Variants in CSMD1 observed in about 807,000 individuals in gnomAD.
The protein encoded by CSMD1 is CUB and Sushi multiple domains 1, also known as CUB and sushi domain-containing protein 1.
A neutral mutation model predicts 417.5 loss-of-function variants in CSMD1; 213 were observed. The observed-to-expected ratio is 0.51, with a 90% confidence interval of 0.46 to 0.57. The LOEUF (loss-of-function observed/expected upper bound fraction) is 0.57. Among genes scored for constraint, CSMD1 ranks in the 20% least tolerant of loss-of-function variants. The probability of loss-of-function intolerance (pLI) is 0.00; values close to 1 mark genes in which losing one functional copy is unlikely to be tolerated. For synonymous variants in CSMD1, 2,862 were observed against 1,736.8 expected, an observed-to-expected ratio of 1.65 and a Z score of -16.11; for missense variants, 6,923 against 4,529.7, an observed-to-expected ratio of 1.53 and a Z score of -15.17.
At chr8:4,054,895 G>C (rs1160134597) in intron 3 of CSMD1, among the ~76,000 whole-genome samples, 1 of 152,126 alleles carries the variant, frequency 6.6e-6, no homozygotes, top group Non-Finnish European at 1.5e-5. Flanking sequence ...GGCTACGTCT[G>C]CCTGTGCCCT....
intron 1 of CSMD1, among the ~76,000 whole-genome samples, chr8:4,750,110 A>C (rs1425977333): frequency 6.6e-6 from 1 of 152,088 alleles, no homozygotes; most frequent in African/African-American, 2.4e-5. Flanking sequence ...GGTTCACCCC[A>C]TTCTCCTGCC....
chr8:4,170,753 A>T (rs1160623114), intron 3 of CSMD1, among the ~76,000 whole-genome samples: 1 of 151,882 alleles, frequency 6.6e-6, no homozygotes, highest in Non-Finnish European at 1.5e-5. Context: ...CTGTTTAGAA[A>T]AAGGTAGCTA....
At chr8:3,626,406 C>A (rs1226217961) in intron 7 of CSMD1, among the ~76,000 whole-genome samples, 4 of 152,144 alleles carry the variant, frequency 2.6e-5, no homozygotes, top group Non-Finnish European at 5.9e-5. Context: ...GTTTATATTA[C>A]TTTGCATAGA....
At chr8:4,423,698 A>G (rs1449735257) in intron 2 of CSMD1, among the ~76,000 whole-genome samples, 1 of 151,616 alleles carries the variant, frequency 6.6e-6, no homozygotes, top group African/African-American at 2.4e-5. Context: ...GGTATATAGC[A>G]AGATCTTTCT....
chr8:4,607,466 C>G (rs764845392), intron 2 of CSMD1, among the ~76,000 whole-genome samples: 58 of 152,102 alleles, frequency 3.8e-4, no homozygotes, highest in Non-Finnish European at 8.4e-4. Context: ...AAGCTAGGGC[C>G]TGATACGACC....
chr8:4,307,689 G>C (rs984742379), intron 3 of CSMD1, among the ~76,000 whole-genome samples: 2 of 152,086 alleles, frequency 1.3e-5, no homozygotes, highest in South Asian at 2.1e-4. Flanking sequence ...TGGTGACTTT[G>C]CAAACGAACA....
At chr8:4,261,915 A>C (rs913130638) in intron 3 of CSMD1, among the ~76,000 whole-genome samples, 11 of 152,244 alleles carry the variant, frequency 7.2e-5, no homozygotes, top group African/African-American at 2.7e-4. Context: ...TCCAAATATA[A>C]ATAAATGCAT....
At chr8:3,251,203 C>G (rs533171324) in intron 26 of CSMD1, among the ~76,000 whole-genome samples, 1 of 152,240 alleles carries the variant, frequency 6.6e-6, no homozygotes, top group South Asian at 2.1e-4. Flanking sequence ...TTAGGTCTAA[C>G]ATTTAAGTCT....
At chr8:3,834,871 G>A (rs1423633984) in intron 5 of CSMD1, among the ~76,000 whole-genome samples, 1 of 151,476 alleles carries the variant, frequency 6.6e-6, no homozygotes, top group Non-Finnish European at 1.5e-5. Context: ...AAATTTACAA[G>A]AAAAAAACAA....
At chr8:4,095,049 G>A (rs1458583249) in intron 3 of CSMD1, among the ~76,000 whole-genome samples, 1 of 152,206 alleles carries the variant, frequency 6.6e-6, no homozygotes, top group African/African-American at 2.4e-5. Flanking sequence ...CATGTAAGTA[G>A]TTGAGCTTTG....
intron 3 of CSMD1, among the ~76,000 whole-genome samples, chr8:4,319,902 T>C (rs1407409745): frequency 1.3e-5 from 2 of 152,018 alleles, no homozygotes; most frequent in African/African-American, 2.4e-5. Flanking sequence ...TACAGAAAGA[T>C]CCACCGGAAA....
At chr8:4,583,410 C>T (rs1269354495) in intron 2 of CSMD1, among the ~76,000 whole-genome samples, 5 of 151,686 alleles carry the variant, frequency 3.3e-5, no homozygotes, top group Non-Finnish European at 7.4e-5. Context: ...CACCCTGTGT[C>T]TAGCTCAGGG....
chr8:3,990,702 G>A (rs571437776), intron 5 of CSMD1, among the ~76,000 whole-genome samples: 1 of 152,168 alleles, frequency 6.6e-6, no homozygotes, highest in Non-Finnish European at 1.5e-5. Flanking sequence ...CTCAAATTCA[G>A]GCTTAATTCT....
rs562083050 is a variant in CSMD1, at chr8:3,803,549, G to A, written c.819-49507C>T. On this transcript the variant is annotated intron_variant, in intron 5 of 69. Coordinates refer to ENST00000635120, the MANE Select transcript of CSMD1 (RefSeq NM_033225.6). ...CTGGGCCCAGGACAGAGGTACGCAGGAGCCCACAGGTGGGAAAGGCTCAGA... is the reference window on the plus strand; with the variant it reads ...CTGGGCCCAGGACAGAGGTACGCAGAAGCCCACAGGTGGGAAAGGCTCAGA... Among the ~76,000 whole-genome samples the A allele has an allele frequency of 4.3e-4, 65 of 152,294 alleles. 1 individual carries two copies. In the South Asian group the frequency reaches 5.8e-3, roughly 14 times the overall value.
chr8:4,565,535 G>C (rs979576208), intron 2 of CSMD1, among the ~76,000 whole-genome samples: 2 of 152,012 alleles, frequency 1.3e-5, no homozygotes, highest in African/African-American at 4.8e-5. Context: ...AGGTGTTTGA[G>C]ACAAGCCTGG....
At chr8:4,816,648 C>T (rs906422258) in intron 1 of CSMD1, among the ~76,000 whole-genome samples, 4 of 152,140 alleles carry the variant, frequency 2.6e-5, no homozygotes, top group African/African-American at 9.7e-5. Flanking sequence ...CCGTATGGCT[C>T]TACAATTCCC....
chr8:4,451,532 A>G (rs915342885), intron 2 of CSMD1, among the ~76,000 whole-genome samples: 3 of 152,132 alleles, frequency 2.0e-5, no homozygotes, highest in Non-Finnish European at 4.4e-5. Context: ...TTCCAGAGAC[A>G]GTGACTCTGG....
At chr8:3,648,332 T>C (rs1490053879) in intron 7 of CSMD1, among the ~76,000 whole-genome samples, 2 of 152,230 alleles carry the variant, frequency 1.3e-5, no homozygotes, top group African/African-American at 4.8e-5. Context: ...TAGTTGTTGC[T>C]ATATTGAACA....
intron 5 of CSMD1, among the ~76,000 whole-genome samples, chr8:3,938,752 T>C (rs1435239050): frequency 1.3e-5 from 2 of 152,322 alleles, no homozygotes; most frequent in Non-Finnish European, 1.5e-5. Flanking sequence ...GCAATCTATG[T>C]CAAGTGCCTT....
Sources: gnomAD v4.1 joint callset for allele counts (sites outside exome capture counted in the v4.1 genomes callset) on GRCh38, gnomAD v4.1.1 for gene constraint, MANE v1.5 for transcripts, NCBI Gene and HGNC (gene_info 2026-07-23, HGNC 2026-07-21) for gene names.